The following SAMD14 variants were observed in gnomAD, a reference collection of about 807,000 sequenced individuals.
SAMD14 encodes sterile alpha motif domain-containing protein 14.
SAMD14 carries 27 observed loss-of-function variants against 46.2 expected under a neutral mutation model. That is an observed-to-expected ratio of 0.58 (90% CI 0.43 to 0.81). The LOEUF (loss-of-function observed/expected upper bound fraction) is 0.81. Ranked by LOEUF, SAMD14 falls within the 30% of genes least tolerant of loss-of-function variation. SAMD14 has a pLI of 0.00. For missense variants in SAMD14, 559 were observed against 582.2 expected (o/e 0.96, Z 0.41); for synonymous variants, 241 against 254.3 (o/e 0.95, Z 0.50).
chr17:50,121,116 C>T lies in SAMD14; in HGVS notation c.44-2789G>A, dbSNP rs373280689. Among the ~76,000 whole-genome samples, 29 of 152,286 alleles carry T rather than the reference C, an allele frequency of 1.9e-4. No individual in the cohort carries two copies. The East Asian group carries it at 5.4e-3, about 28-fold the overall frequency. Reference sequence around the variant, plus strand: ...AATGTTCTGTTGATTGGCCTCCTCACACCCATGGAACCTGGGCTCTCCTCT... The same window carrying T: ...AATGTTCTGTTGATTGGCCTCCTCATACCCATGGAACCTGGGCTCTCCTCT... On this transcript the variant is annotated intron_variant, in intron 2 of 9. Transcript: ENST00000330175.
intron 1 of SAMD14, among the ~76,000 whole-genome samples, chr17:50,126,281 C>T (rs575073638): frequency 1.3e-5 from 2 of 150,990 alleles, no homozygotes; most frequent in East Asian, 3.9e-4. Context: ...ACATCATCTA[C>T]CTTTACTGTG....
intron 1 of SAMD14, 171 bp from the exon 2 acceptor site, chr17:50,125,142 C>A: frequency 1.6e-6 from 1 of 624,690 alleles, no homozygotes; most frequent in Admixed American, 2.9e-5. Flanking sequence ...AATCATAACC[C>A]AGATGGTGGG....
Position 50,128,488 on chromosome 17 carries a change from A to T in SAMD14, c.-13+1029T>A, listed in dbSNP as rs1032246191. ...ACACACCCCGCACACTCTCTCACAC[A>T]CACACACACACACACACACACACAC... is the stretch of plus-strand genomic sequence containing the variant. On this transcript the variant is annotated intron_variant, in intron 1 of 9. Coordinates refer to ENST00000330175, the MANE Select transcript of SAMD14 (RefSeq NM_001257359.2). Among the ~76,000 whole-genome samples, 129 of 145,614 alleles carry T rather than the reference A, an allele frequency of 8.9e-4. 1 individual carries two copies. Among genetic ancestry groups the T allele is most frequent in the Middle Eastern group, 3.4e-3 (1 of 292 alleles).
intron 7 of SAMD14, chr17:50,114,724 G>A: frequency 3.4e-6 from 1 of 296,842 alleles, no homozygotes; most frequent in Non-Finnish European, 6.2e-6. Flanking sequence ...GAGGGCCTGG[G>A]TTGTATCTTG....
chr17:50,120,499 T>C (rs2144406494), intron 2 of SAMD14, among the ~76,000 whole-genome samples: 1 of 152,314 alleles, frequency 6.6e-6, no homozygotes, highest in Admixed American at 6.5e-5. Flanking sequence ...CCATCTAGTC[T>C]ATTTTCAACA....
Position 50,117,608 on chromosome 17 carries a change from G to C in SAMD14, c.298C>G (p.Leu100Val). The C allele has an allele frequency of 6.4e-7, 1 of 1,557,292 alleles. No homozygotes were observed. Among genetic ancestry groups the C allele is most frequent in the Non-Finnish European group, 8.6e-7 (1 of 1,161,368 alleles). ...CTGCGCCGCAACCCCGGAGGATCCA[G>C]GCAGAAAGAGCCCCCGGCCGGGGAC... ...PGSPAGGSFCLDPPGLRRSLD... is the reference protein window; with the variant it reads ...PGSPAGGSFCVDPPGLRRSLD... Residue 100 changes from leucine (L) to valine (V), a missense_variant, in exon 4 of 10, where the codon CTG becomes GTG. Coordinates refer to ENST00000330175, the MANE Select transcript of SAMD14 (RefSeq NM_001257359.2).
At chr17:50,119,729 G>A (rs1911413208) in intron 2 of SAMD14, among the ~76,000 whole-genome samples, 1 of 152,134 alleles carries the variant, frequency 6.6e-6, no homozygotes, top group Non-Finnish European at 1.5e-5. Context: ...GAGTCAGACA[G>A]CCCTAAGCTA....
At chr17:50,124,890 C>T in intron 2 of SAMD14, 27 bp downstream of exon 2, 1 of 1,612,606 alleles carries the variant, frequency 6.2e-7, no homozygotes, top group Non-Finnish European at 8.5e-7. Context: ...TGTCTATTGG[C>T]TAGAGATAGA....
Position 50,129,702 on chromosome 17 carries a change from G to A in SAMD14, c.-198C>T, listed in dbSNP as rs568741091. ...GGTCGGCGGGAAGGGTCCCAGAGCC[G>A]GGGGAGATGGAGGGCGGGGGATGTG... On this transcript the variant is annotated 5_prime_UTR_variant, in exon 1 of 10. Transcript: ENST00000330175. This position sits in a 1 kb window ranked among gnomAD's most constrained non-coding sequence, Gnocchi z 5.6. The A allele has an allele frequency of 0.012, 1,804 of 152,312 alleles. 33 individuals are homozygous for A. The highest frequency in any genetic ancestry group is 0.04 in the African/African-American group (1,669 of 41,484). The allele number at this position is 152,312 out of a possible 1,614,324, so 9.4% of individuals were successfully genotyped here. A position where few individuals can be genotyped will look rare whatever the true frequency, so the allele number is the denominator to read the frequency against.
intron 2 of SAMD14, among the ~76,000 whole-genome samples, chr17:50,122,026 G>T (rs1325103197): frequency 6.6e-6 from 1 of 152,228 alleles, no homozygotes; most frequent in African/African-American, 2.4e-5. Flanking sequence ...GCGCTCGCTG[G>T]TGATGGCGTC....
chr17:50,111,689 G>C lies in SAMD14; in HGVS notation c.*1204C>G, dbSNP rs369348030. ...GCCCCCAGGCCTCATCGGTAACTCT[G>C]ACCAGTGTCCTGGAAGCGGGACTAG... On this transcript the variant is annotated 3_prime_UTR_variant, in exon 10 of 10. Transcript: ENST00000330175. The C allele has an allele frequency of 6.6e-6, 1 of 152,298 alleles. No individual in the cohort carries two copies. Among genetic ancestry groups the C allele is most frequent in the African/African-American group, 2.4e-5 (1 of 41,444 alleles). 9.4% of individuals were successfully genotyped at this position (152,298 alleles called of 1,614,324 possible). A position where few individuals can be genotyped will look rare whatever the true frequency, so the allele number is the denominator to read the frequency against.
chr17:50,115,979 C>T lies in SAMD14; in HGVS notation c.587+24G>A, dbSNP rs199851498. On this transcript the variant is annotated intron_variant, in intron 5 of 9. Transcript: ENST00000330175. This position sits in a 1 kb window ranked among gnomAD's most constrained non-coding sequence, Gnocchi z 5.3. The stretch of plus-strand genomic sequence containing the variant: ...CTTACCCCAGCAGCTCCAAGCCCTG[C>T]GATCTAGCCCCGCCTCCACTCACCC... The T allele has an allele frequency of 5.6e-6, 9 of 1,613,568 alleles. No homozygotes were observed. Among genetic ancestry groups the T allele is most frequent in the East Asian group, 2.2e-5 (1 of 44,866 alleles).
chr17:50,124,877 C>T, intron 2 of SAMD14, 40 bp downstream of exon 2: 1 of 1,606,988 alleles, frequency 6.2e-7, no homozygotes, highest in Non-Finnish European at 8.5e-7. Flanking sequence ...TACTCTATGG[C>T]TGTGTCTATT....
At chr17:50,120,000 C>G (rs887202011) in intron 2 of SAMD14, among the ~76,000 whole-genome samples, 2 of 152,158 alleles carry the variant, frequency 1.3e-5, no homozygotes, top group Admixed American at 6.5e-5. Context: ...CCTGTTAGCT[C>G]TACTTTCAAA....
intron 4 of SAMD14, 166 bp from the exon 5 acceptor site, chr17:50,116,256 C>T: frequency 1.9e-6 from 2 of 1,040,948 alleles, no homozygotes; most frequent in Non-Finnish European, 2.7e-6. Flanking sequence ...ACCTCTCTGG[C>T]CTTCCTCCAT....
At chr17:50,123,200 A>G (rs1911583836) in intron 2 of SAMD14, among the ~76,000 whole-genome samples, 1 of 152,238 alleles carries the variant, frequency 6.6e-6, no homozygotes, top group African/African-American at 2.4e-5. Context: ...GAGGGCATAA[A>G]GCTGGTGAGG....
chr17:50,112,317 G>A lies in SAMD14; in HGVS notation c.*576C>T, dbSNP rs1910894623. On this transcript the variant is annotated 3_prime_UTR_variant, in exon 10 of 10. Transcript: ENST00000330175. ...GCTGCTTTCTCTGCGCTCCTGTTGA[G>A]GAGTTTGGCTGGGAGTCTACCCTGA... 1 of 152,300 alleles carries A rather than the reference G, an allele frequency of 6.6e-6. No homozygotes were observed. Among genetic ancestry groups the A allele is most frequent in the South Asian group, 2.1e-4 (1 of 4,824 alleles). 9.4% of individuals were successfully genotyped at this position (152,300 alleles called of 1,614,324 possible). A position where few individuals can be genotyped will look rare whatever the true frequency, so the allele number is the denominator to read the frequency against.
intron 2 of SAMD14, among the ~76,000 whole-genome samples, 156 bp downstream of exon 2, chr17:50,124,757 GTGCA>G (rs1307866570): frequency 9.1e-4 from 84 of 92,634 alleles, no homozygotes; most frequent in Non-Finnish European, 1.2e-3. Flanking sequence ...ACCTGCACGC[GTGCA>G]CGCGCGCGCG....
At position 50,117,583 on chromosome 17, in the gene SAMD14, C is replaced by G; in HGVS notation, c.323G>C (p.Ser108Thr). ...GGGCGGCGGCTCGTCCTCGTCCAGG[C>G]TGCGCCGCAACCCCGGAGGATCCAG... ...FCLDPPGLRRSLDEDEPPPSP... is the reference protein window; with the variant it reads ...FCLDPPGLRRTLDEDEPPPSP... The change falls in exon 4 of 10, where the codon AGC becomes ACC. Residue 108 changes from serine (S) to threonine (T), a missense_variant. Transcript: ENST00000330175. 1 of 1,553,162 alleles carries G rather than the reference C, an allele frequency of 6.4e-7. No homozygotes were observed. The highest frequency in any genetic ancestry group is 8.6e-7 in the Non-Finnish European group (1 of 1,159,602).
Sources: allele counts gnomAD v4.1 joint callset (sites outside exome capture counted in the v4.1 genomes callset), GRCh38; gene constraint gnomAD v4.1.1; non-coding constraint Gnocchi (gnomAD v3.1); transcripts MANE v1.5; gene names NCBI Gene and HGNC (gene_info 2026-07-23, HGNC 2026-07-21).